Variants in ASCC3 observed in about 807,000 individuals in gnomAD.
ASCC3 encodes the protein activating signal cointegrator 1 complex subunit 3, also known as ASC-1 complex subunit P200.
ASCC3 carries 158 observed loss-of-function variants against 256.3 expected under a neutral mutation model. The observed-to-expected ratio is 0.62, with a 90% confidence interval of 0.54 to 0.70. ASCC3 has a LOEUF of 0.70. Ranked by LOEUF, ASCC3 falls within the 30% of genes least tolerant of loss-of-function variation. The probability of loss-of-function intolerance (pLI) is 0.00; values close to 1 mark genes in which losing one functional copy is unlikely to be tolerated. For synonymous variants in ASCC3, 948 were observed against 883.4 expected, an observed-to-expected ratio of 1.07 and a Z score of -1.30; for missense variants, 2,259 against 2,626.0, an observed-to-expected ratio of 0.86 and a Z score of 3.05.
At chr6:100,611,929 T>C (rs957605628) in intron 30 of ASCC3, among the ~76,000 whole-genome samples, 1 of 151,978 alleles carries the variant, frequency 6.6e-6, no homozygotes, top group Non-Finnish European at 1.5e-5. Flanking sequence ...TAGTTCATTT[T>C]TGTTCAACAA....
chr6:100,688,800 T>C (rs549281568), intron 13 of ASCC3, among the ~76,000 whole-genome samples: 1 of 152,204 alleles, frequency 6.6e-6, no homozygotes, highest in African/African-American at 2.4e-5. Flanking sequence ...TGGTAAAGGA[T>C]TGGAGTCTAG....
intron 4 of ASCC3, among the ~76,000 whole-genome samples, chr6:100,831,435 C>T (rs1243333050): frequency 2.0e-5 from 3 of 152,202 alleles, no homozygotes; most frequent in Non-Finnish European, 2.9e-5. Flanking sequence ...ATGAACACAG[C>T]TAAAAGTTGC....
At chr6:100,804,277 T>C (rs944569337) in intron 5 of ASCC3, among the ~76,000 whole-genome samples, 1 of 152,134 alleles carries the variant, frequency 6.6e-6, no homozygotes, top group Non-Finnish European at 1.5e-5. Flanking sequence ...AAAATGTTAA[T>C]GACTAATGAA....
chr6:100,681,145 T>C (rs1439434203), intron 13 of ASCC3, among the ~76,000 whole-genome samples: 1 of 152,072 alleles, frequency 6.6e-6, no homozygotes, highest in African/African-American at 2.4e-5. Context: ...CAGTAAAATC[T>C]CAGATAACAA....
At chr6:100,639,821 A>C (rs1347159648) in intron 24 of ASCC3, among the ~76,000 whole-genome samples, 1 of 152,162 alleles carries the variant, frequency 6.6e-6, no homozygotes, top group East Asian at 1.9e-4. Flanking sequence ...TTTCTGAAGC[A>C]CTGAAAATTG....
chr6:100,603,654 A>C (rs1037208973), intron 33 of ASCC3, among the ~76,000 whole-genome samples: 3 of 152,044 alleles, frequency 2.0e-5, no homozygotes, highest in African/African-American at 7.2e-5. Flanking sequence ...TTTTATTATA[A>C]ATAGGTATGG....
chr6:100,868,618 C>G (rs1350979385), intron 1 of ASCC3, among the ~76,000 whole-genome samples: 3 of 152,178 alleles, frequency 2.0e-5, no homozygotes, highest in Non-Finnish European at 4.4e-5. Flanking sequence ...TATTTACTAA[C>G]GTATGTGTTG....
chr6:100,800,989 A>C (rs987094830), intron 5 of ASCC3, among the ~76,000 whole-genome samples: 1 of 152,104 alleles, frequency 6.6e-6, no homozygotes, highest in Admixed American at 6.6e-5. Context: ...TAGATTACAT[A>C]AAATTTATTA....
rs57465763 is a variant in ASCC3 at position 100,771,866 on chromosome 6, G to GTT, written c.1396-4523_1396-4522dup. Among the ~76,000 whole-genome samples, 16 of 91,818 alleles carry GTT rather than the reference G, an allele frequency of 1.7e-4. 1 individual carries two copies. Among genetic ancestry groups the GTT allele is most frequent in the Non-Finnish European group, 2.8e-4 (14 of 50,066 alleles). The allele number at this position is 91,818 out of a possible 152,430, so 60.2% of individuals were successfully genotyped here. On this transcript the variant is annotated intron_variant, in intron 8 of 41. Coordinates refer to ENST00000369162, the MANE Select transcript of ASCC3 (RefSeq NM_006828.4). ...ATCACTTTAATAAAACAATCTGCAAGTTTTTTTTTTTTTTTTTTTTTTTTT... is the reference window on the plus strand; with the variant it reads ...ATCACTTTAATAAAACAATCTGCAAGTTTTTTTTTTTTTTTTTTTTTTTTTTT...
chr6:100,708,570 G>C (rs1054057595), intron 13 of ASCC3, among the ~76,000 whole-genome samples: 5 of 152,058 alleles, frequency 3.3e-5, no homozygotes, highest in Non-Finnish European at 7.4e-5. Flanking sequence ...AATGTCTGGA[G>C]ACAGTTTGGG....
chr6:100,627,456 G>T, intron 29 of ASCC3, 134 bp downstream of exon 29: 1 of 1,178,950 alleles, frequency 8.5e-7, no homozygotes, highest in Non-Finnish European at 1.2e-6. Context: ...CTTAACAGTT[G>T]AGACAAACAG....
rs776210288 is a variant in ASCC3 at position 100,629,040 on chromosome 6, G to A, written c.4350C>T (p.Leu1450=). The change falls in exon 27 of 42, where the codon CTC becomes CTT. Residue 1450 remains leucine, a synonymous_variant. Coordinates refer to ENST00000369162, the MANE Select transcript of ASCC3 (RefSeq NM_006828.4). ...NRNYVQQVTI[L]IIDEIHLLGE... ...CAAGCAGATGGATCTCATCTATGAT[G>A]AGAATAGTGACTTGCTGAACATAGT... is the stretch of plus-strand genomic sequence containing the variant. The A allele has an allele frequency of 6.8e-6, 11 of 1,613,416 alleles. No homozygotes were observed. The highest frequency in any genetic ancestry group is 3.3e-5 in the Admixed American group (2 of 59,928).
At chr6:100,872,623 A>G (rs765342119) in intron 1 of ASCC3, among the ~76,000 whole-genome samples, 1 of 152,128 alleles carries the variant, frequency 6.6e-6, no homozygotes, top group Non-Finnish European at 1.5e-5. Flanking sequence ...TTCTGAAGGA[A>G]GCAGATTGCT....
intron 3 of ASCC3, among the ~76,000 whole-genome samples, chr6:100,855,569 CCT>C (rs1772904554): frequency 6.6e-6 from 1 of 152,168 alleles, no homozygotes; most frequent in South Asian, 2.1e-4. Flanking sequence ...AAATATAACA[CCT>C]CTGTCTTTGA....
At chr6:100,603,610 A>G (rs1421440102) in intron 33 of ASCC3, among the ~76,000 whole-genome samples, 1 of 152,096 alleles carries the variant, frequency 6.6e-6, no homozygotes, top group East Asian at 1.9e-4. Flanking sequence ...TTATCAGATT[A>G]AGAACATTCC....
intron 12 of ASCC3, 38 bp downstream of exon 12, chr6:100,718,037 A>T: frequency 6.3e-7 from 1 of 1,592,092 alleles, no homozygotes; most frequent in Middle Eastern, 1.7e-4. Context: ...ATAAGTCAAC[A>T]AAAATATTTT....
chr6:100,670,016 C>A (rs1273422557), intron 14 of ASCC3, among the ~76,000 whole-genome samples: 1 of 151,518 alleles, frequency 6.6e-6, no homozygotes, highest in Non-Finnish European at 1.5e-5. Flanking sequence ...TAAAAAAAAT[C>A]ATAAACAAAA....
intron 10 of ASCC3, among the ~76,000 whole-genome samples, chr6:100,747,861 A>G (rs2115086481): frequency 6.6e-6 from 1 of 152,180 alleles, no homozygotes; most frequent in East Asian, 1.9e-4. Flanking sequence ...TAAAGCTGAT[A>G]TAAAATGTTT....
At chr6:100,581,453 G>T (rs964701374) in intron 36 of ASCC3, among the ~76,000 whole-genome samples, 1 of 152,168 alleles carries the variant, frequency 6.6e-6, no homozygotes, top group Admixed American at 6.5e-5. Context: ...TTGTAAATTT[G>T]TTTAAGTTCA....
Sources: allele counts gnomAD v4.1 joint callset (sites outside exome capture counted in the v4.1 genomes callset), GRCh38; gene constraint gnomAD v4.1.1; transcripts MANE v1.5; gene names NCBI Gene and HGNC (gene_info 2026-07-23, HGNC 2026-07-21).